RFX7: variants seen among roughly 807,000 people sequenced by gnomAD.
RFX7 encodes regulatory factor X7.
A neutral mutation model predicts 111.8 loss-of-function variants in RFX7; 26 were observed. The ratio of observed to expected loss-of-function variants is 0.23; its 90% CI spans 0.17 to 0.32. RFX7 has a LOEUF of 0.32. Among genes scored for constraint, RFX7 ranks in the 10% least tolerant of loss-of-function variants. The pLI, the probability that RFX7 is intolerant of heterozygous loss-of-function variation, is 1.00. For synonymous variants in RFX7, 624 were observed against 624.4 expected, an observed-to-expected ratio of 1.00 and a Z score of 0.01; for missense variants, 1,573 against 1,772.9, an observed-to-expected ratio of 0.89 and a Z score of 2.02.
chr15:56,242,909 G>A (rs2043719912), intron 2 of RFX7, among the ~76,000 whole-genome samples: 1 of 152,284 alleles, frequency 6.6e-6, no homozygotes, highest in East Asian at 1.9e-4. Flanking sequence ...AATTGAGGAA[G>A]GGGTAAAAGC....
intron 2 of RFX7, among the ~76,000 whole-genome samples, chr15:56,197,173 T>C (rs2043152974): frequency 6.6e-6 from 1 of 152,196 alleles, no homozygotes; most frequent in Admixed American, 6.5e-5. Flanking sequence ...AGTTTTCTTC[T>C]GTGAATTGCC....
chr15:56,226,483 G>T (rs1268935429), intron 2 of RFX7, among the ~76,000 whole-genome samples: 3 of 152,084 alleles, frequency 2.0e-5, no homozygotes, highest in African/African-American at 7.2e-5. Context: ...TACACCCTAG[G>T]GGAAATTAGT....
rs376549300 is a variant in RFX7 at position 56,094,927 on chromosome 15, A to C, written c.2801T>G (p.Phe934Cys). ...PMSSHTSSTHFYHPIHSNGTP... is the reference protein window; with the variant it reads ...PMSSHTSSTHCYHPIHSNGTP... ...GCCATTGCTGTGGATTGGATGATAG[A>C]AGTGGGTGCTGGAAGTGTGAGATGA... The change falls in exon 10 of 10, where the codon TTC (phenylalanine) becomes TGC (cysteine). Residue 934 changes from phenylalanine to cysteine, a missense_variant. This residue lies in a region of RFX7 where 625 missense variants were observed against 632.2 expected (regional missense o/e 0.99). Transcript: ENST00000559447. The C allele has an allele frequency of 1.2e-5, 19 of 1,590,410 alleles. No individual in the cohort carries two copies. In the African/African-American group the frequency reaches 2.5e-4, roughly 21 times the overall value.
intron 2 of RFX7, among the ~76,000 whole-genome samples, chr15:56,217,287 A>G (rs1435157384): frequency 6.6e-6 from 1 of 152,212 alleles, no homozygotes; most frequent in Non-Finnish European, 1.5e-5. Flanking sequence ...AAAAACATTA[A>G]CAATAATTCC....
intron 3 of RFX7, among the ~76,000 whole-genome samples, chr15:56,165,703 T>G (rs758430335): frequency 1.3e-5 from 2 of 152,152 alleles, no homozygotes; most frequent in Non-Finnish European, 1.5e-5. Context: ...TAGGGTATGC[T>G]AAGTTACCAA....
intron 5 of RFX7, among the ~76,000 whole-genome samples, chr15:56,116,846 A>AC (rs2042014984): frequency 6.6e-6 from 1 of 151,296 alleles, no homozygotes; most frequent in East Asian, 1.9e-4. Flanking sequence ...GTACAGTTGT[A>AC]CAAATTGTAC....
At chr15:56,140,759 C>CT (rs1161718939) in intron 5 of RFX7, among the ~76,000 whole-genome samples, 3 of 152,068 alleles carry the variant, frequency 2.0e-5, no homozygotes, top group African/African-American at 4.8e-5. Context: ...AATCCTTTAA[C>CT]TTTTTTTAGA....
intron 3 of RFX7, among the ~76,000 whole-genome samples, chr15:56,150,816 T>C (rs2042559100): frequency 1.3e-5 from 2 of 151,936 alleles, no homozygotes; most frequent in South Asian, 4.2e-4. Context: ...GCTAATAACC[T>C]TGAAAAAAGG....
chr15:56,195,076 A>G (rs1472336760), intron 2 of RFX7, among the ~76,000 whole-genome samples: 1 of 152,180 alleles, frequency 6.6e-6, no homozygotes, highest in African/African-American at 2.4e-5. Context: ...TTATTCAACC[A>G]TAAAAAGGAA....
intron 2 of RFX7, among the ~76,000 whole-genome samples, chr15:56,238,958 C>T (rs1175249101): frequency 1.3e-5 from 2 of 152,060 alleles, no homozygotes; most frequent in Non-Finnish European, 2.9e-5. Context: ...CTCAGCCTCC[C>T]AAGTGGCTGG....
intron 2 of RFX7, among the ~76,000 whole-genome samples, chr15:56,193,425 G>A (rs1441816143): frequency 6.6e-6 from 1 of 152,164 alleles, no homozygotes. Flanking sequence ...GACAATGTAT[G>A]CTCAACATTA....
At chr15:56,126,753 G>A (rs1439836022) in intron 5 of RFX7, among the ~76,000 whole-genome samples, 2 of 151,576 alleles carry the variant, frequency 1.3e-5, no homozygotes, top group South Asian at 2.1e-4. Flanking sequence ...AGAACTGGAG[G>A]GCTGTACTAA....
intron 5 of RFX7, among the ~76,000 whole-genome samples, chr15:56,134,372 T>A (rs1251466841): frequency 1.3e-5 from 2 of 152,134 alleles, no homozygotes; most frequent in Non-Finnish European, 2.9e-5. Flanking sequence ...GGAAATGCTA[T>A]GGGGGAACAC....
intron 5 of RFX7, among the ~76,000 whole-genome samples, chr15:56,111,661 C>CAAAAAAAAAAAAAAAAAACCA (rs2041934041): frequency 9.4e-5 from 9 of 95,570 alleles, no homozygotes; most frequent in South Asian, 4.0e-4. Flanking sequence ...ATAAATAAAC[C>CAAAAAAAAAAAAAAAAAACCA]AAAAAAAAAA....
rs1400367467 is a variant in RFX7 at position 56,165,804 on chromosome 15, GAA to G, written c.195+13464_195+13465del. On this transcript the variant is annotated intron_variant, in intron 3 of 9. Transcript: ENST00000559447. The stretch of plus-strand genomic sequence containing the variant: ...GAACACTGGCTGGTTAGAAAGCCTA[GAA>G]AATAAGATGGTACACTCTTCCTGGA... Among the ~76,000 whole-genome samples the G allele has an allele frequency of 4.0e-4, 61 of 152,274 alleles. 1 individual carries two copies. The highest frequency in any genetic ancestry group is 6.8e-4 in the Non-Finnish European group (46 of 68,012).
chr15:56,239,984 CTTTTTTTT>C (rs5812831), intron 2 of RFX7, among the ~76,000 whole-genome samples: 10 of 120,928 alleles, frequency 8.3e-5, no homozygotes, highest in South Asian at 5.0e-4. Context: ...TTTGGTATTT[CTTTTTTTT>C]TTTTTTTTTT....
At chr15:56,234,495 T>C (rs903024449) in intron 2 of RFX7, among the ~76,000 whole-genome samples, 7 of 152,208 alleles carry the variant, frequency 4.6e-5, no homozygotes, top group Non-Finnish European at 1.0e-4. Flanking sequence ...AATATGACAG[T>C]TAAATTTTGA....
At chr15:56,217,105 A>C (rs1287812368) in intron 2 of RFX7, among the ~76,000 whole-genome samples, 1 of 151,186 alleles carries the variant, frequency 6.6e-6, no homozygotes, top group Non-Finnish European at 1.5e-5. Context: ...GACCATTGTC[A>C]AATTTATTTT....
At chr15:56,244,533 C>T (rs1297962975), upstream of RFX7, among the ~76,000 whole-genome samples, 1 of 152,168 alleles carries the variant, frequency 6.6e-6, no homozygotes, top group Non-Finnish European at 1.5e-5. Context: ...GCAGCAGATT[C>T]ATTCTTCCTT....
Sources: allele counts gnomAD v4.1 joint callset (sites outside exome capture counted in the v4.1 genomes callset), GRCh38; gene constraint gnomAD v4.1.1; regional missense constraint gnomAD v4.1.1; transcripts MANE v1.5; gene names NCBI Gene and HGNC (gene_info 2026-07-23, HGNC 2026-07-21).